The following SPTBN1 variants were observed in gnomAD, a reference collection of about 807,000 sequenced individuals.
SPTBN1 encodes spectrin beta, non-erythrocytic 1.
In SPTBN1, 32 loss-of-function variants were observed where a neutral mutation model predicts 266.4. The ratio of observed to expected loss-of-function variants is 0.12; its 90% confidence interval spans 0.09 to 0.16. The LOEUF (loss-of-function observed/expected upper bound fraction) is 0.16. Ranked by LOEUF, SPTBN1 falls within the 10% of genes least tolerant of loss-of-function variation. The probability of loss-of-function intolerance (pLI) is 1.00; values close to 1 mark genes in which losing one functional copy is unlikely to be tolerated. For synonymous variants in SPTBN1, 1,336 were observed against 1,162.2 expected (o/e 1.15, Z -3.04); for missense variants, 2,296 against 3,067.1 (o/e 0.75, Z 5.94).
chr2:54,491,771 T>C (rs2104019502), intron 1 of SPTBN1, among the ~76,000 whole-genome samples: 1 of 152,296 alleles, frequency 6.6e-6, no homozygotes, highest in Admixed American at 6.5e-5. Flanking sequence ...TTCTTTTCTT[T>C]TTATTTTTTG....
intron 1 of SPTBN1, among the ~76,000 whole-genome samples, chr2:54,466,069 C>T (rs1400971081): frequency 2.0e-5 from 3 of 152,162 alleles, no homozygotes; most frequent in Non-Finnish European, 4.4e-5. Context: ...AGTCATACGT[C>T]CATTCTTAAG....
intron 2 of SPTBN1, among the ~76,000 whole-genome samples, chr2:54,584,710 A>G (rs6740921): frequency 0.024 from 3,725 of 152,304 alleles, 148 homozygotes; most frequent in African/African-American, 0.082. Context: ...AGCCAAGGTC[A>G]TTATTAAACA....
At position 54,645,170 on chromosome 2, in the gene SPTBN1, A is replaced by T; in HGVS notation, c.4270-59A>T. On this transcript the variant is annotated intron_variant, in intron 20 of 35. Transcript: ENST00000356805. This position sits in a 1 kb window ranked among gnomAD's most constrained non-coding sequence, Gnocchi z 4.3. The stretch of plus-strand genomic sequence containing the variant: ...TCCCAGGCCCAGCAGTTCTGCTTAG[A>T]GCCAGTCACTGCAAAAGATAGTCTG... 6.3e-7 allele frequency: 1 copy of T among 1,581,372 alleles called. No homozygotes were observed. Among genetic ancestry groups the T allele is most frequent in the Non-Finnish European group, 8.7e-7 (1 of 1,152,714 alleles).
At chr2:54,548,262 G>A (rs1426823262) in intron 2 of SPTBN1, among the ~76,000 whole-genome samples, 1 of 152,180 alleles carries the variant, frequency 6.6e-6, no homozygotes, top group Non-Finnish European at 1.5e-5. Flanking sequence ...AAAGATCAAT[G>A]TATAAAACTG....
intron 1 of SPTBN1, among the ~76,000 whole-genome samples, chr2:54,487,023 T>TCATCTTA (rs1383619215): frequency 6.6e-6 from 1 of 152,180 alleles, no homozygotes; most frequent in African/African-American, 2.4e-5. Context: ...TATAATAATG[T>TCATCTTA]CATCTTATTT....
chr2:54,610,618 G>T (rs557132402), intron 3 of SPTBN1, among the ~76,000 whole-genome samples: 1 of 152,288 alleles, frequency 6.6e-6, no homozygotes, highest in African/African-American at 2.4e-5. Flanking sequence ...AAAGTGCAAG[G>T]TCTTTGCATC....
At chr2:54,496,912 A>G (rs1668998411) in intron 1 of SPTBN1, among the ~76,000 whole-genome samples, 3 of 152,256 alleles carry the variant, frequency 2.0e-5, no homozygotes, top group Non-Finnish European at 4.4e-5. Context: ...AGTATTGAGA[A>G]TAGTGAACAA....
At chr2:54,539,085 T>C (rs185808470) in intron 2 of SPTBN1, among the ~76,000 whole-genome samples, 1 of 152,326 alleles carries the variant, frequency 6.6e-6, no homozygotes, top group African/African-American at 2.4e-5. Flanking sequence ...CTGTGTCTTA[T>C]TAGTGTCATG....
In SPTBN1 at chr2:54,487,999, T is replaced by G. The variant is rs748478441; in HGVS notation, c.-48+31481T>G. On this transcript the variant is annotated intron_variant, in intron 1 of 35. Coordinates refer to ENST00000356805, the MANE Select transcript of SPTBN1 (RefSeq NM_003128.3). ...CGCCTGCCACCACACCCGGCTAATTTTTTGTATTTTTGGTAGAGACGGGGT... is the reference window on the plus strand; with the variant it reads ...CGCCTGCCACCACACCCGGCTAATTGTTTGTATTTTTGGTAGAGACGGGGT... 3.4e-4 allele frequency among the ~76,000 whole-genome samples: 51 copies of G among 151,800 alleles called. 1 individual carries two copies. In the Middle Eastern group the frequency reaches 0.01, roughly 31 times the overall value.
At chr2:54,477,851 C>G (rs1667915160) in intron 1 of SPTBN1, among the ~76,000 whole-genome samples, 1 of 151,754 alleles carries the variant, frequency 6.6e-6, no homozygotes, top group African/African-American at 2.4e-5. Context: ...GCGGAGGTTG[C>G]AGTGAGCCAA....
intron 2 of SPTBN1, chr2:54,557,627 A>G: frequency 1.3e-6 from 1 of 771,562 alleles, no homozygotes. Context: ...TCCCCTCCGG[A>G]TCATAAACAA....
intron 1 of SPTBN1, among the ~76,000 whole-genome samples, chr2:54,484,645 G>C (rs1668261924): frequency 6.6e-6 from 1 of 152,214 alleles, no homozygotes; most frequent in Non-Finnish European, 1.5e-5. Flanking sequence ...ATTCCTCTAT[G>C]CTTATGGATG....
Position 54,668,428 on chromosome 2 carries a change from G to T in SPTBN1, c.6954G>T (p.Gln2318His). ...AACACGAGGTGTCTGCCAGCACCCA[G>T]AGCACGCCAGCATCCAGCCGCGCGC... is the stretch of plus-strand genomic sequence containing the variant. Reference protein sequence around the residue: ...SDKHEVSASTQSTPASSRAQT... With the variant: ...SDKHEVSASTHSTPASSRAQT... The change falls in exon 36 of 36, where the codon CAG (glutamine) becomes CAT (histidine). Residue 2318 changes from glutamine to histidine, a missense_variant. Physicochemically the swap from Gln to His is conservative, Grantham distance 24. This residue lies in a region of SPTBN1 where 347 missense variants were observed against 368.5 expected (regional missense o/e 0.94). Transcript: ENST00000356805. 1 of 1,614,140 alleles carries T rather than the reference G, an allele frequency of 6.2e-7. No homozygotes were observed. The highest frequency in any genetic ancestry group is 8.5e-7 in the Non-Finnish European group (1 of 1,180,022).
intron 1 of SPTBN1, among the ~76,000 whole-genome samples, chr2:54,475,250 G>C (rs1283767352): frequency 2.0e-5 from 3 of 152,134 alleles, no homozygotes; most frequent in African/African-American, 7.2e-5. Context: ...CAAACGGTTA[G>C]TTTGTCAATT....
chr2:54,604,545 G>A (rs1453303094), intron 3 of SPTBN1, among the ~76,000 whole-genome samples: 1 of 152,162 alleles, frequency 6.6e-6, no homozygotes, highest in Non-Finnish European at 1.5e-5. Flanking sequence ...CTCTCTAAGG[G>A]TTTTTGGTCC....
Position 54,617,677 on chromosome 2 carries a change from A to G in SPTBN1, c.636A>G (p.Ile212Met). The G allele has an allele frequency of 6.2e-7, 1 of 1,614,120 alleles. No individual in the cohort carries two copies. Among genetic ancestry groups the G allele is most frequent in the Non-Finnish European group, 8.5e-7 (1 of 1,179,972 alleles). Residue 212 changes from isoleucine (I) to methionine (M), a missense_variant, in exon 6 of 36, where the codon ATA becomes ATG. By Grantham distance (10) the Ile-to-Met change is conservative. Coordinates refer to ENST00000356805, the MANE Select transcript of SPTBN1 (RefSeq NM_003128.3). ...ACGGCATGGCCTTCAATGCACTGAT[A>G]CACAAACACCGGTAAGTCCATACAA... ...WRDGMAFNAL[I>M]HKHRPDLIDF...
chr2:54,501,659 C>T (rs1413313238), intron 1 of SPTBN1, among the ~76,000 whole-genome samples: 1 of 152,216 alleles, frequency 6.6e-6, no homozygotes, highest in Non-Finnish European at 1.5e-5. Flanking sequence ...GGCTTTGTCT[C>T]GTTACTTGCT....
At position 54,467,250 on chromosome 2, in the gene SPTBN1, G is replaced by T. The variant is rs548374995; in HGVS notation, c.-48+10732G>T. 9.3e-5 allele frequency among the ~76,000 whole-genome samples: 14 copies of T among 151,058 alleles called. No individual in the cohort carries two copies. In the South Asian group the frequency reaches 1.5e-3, roughly 16 times the overall value. ...ATAGGGATAGGGGATTTTTTTGGGG[G>T]TGGGGGGGCTTTTTTCTCTTTATCT... On this transcript the variant is annotated intron_variant, in intron 1 of 35. Coordinates refer to ENST00000356805, the MANE Select transcript of SPTBN1 (RefSeq NM_003128.3).
At chr2:54,636,898 C>T (rs1298814996) in intron 17 of SPTBN1, among the ~76,000 whole-genome samples, 4 of 152,184 alleles carry the variant, frequency 2.6e-5, no homozygotes, top group Admixed American at 6.5e-5. Flanking sequence ...TGAAGCTCTC[C>T]GCTATTGTAG....
Sources: allele counts gnomAD v4.1 joint callset (sites outside exome capture counted in the v4.1 genomes callset), GRCh38; gene constraint gnomAD v4.1.1; regional missense constraint gnomAD v4.1.1; non-coding constraint Gnocchi (gnomAD v3.1); transcripts MANE v1.5; gene names NCBI Gene and HGNC (gene_info 2026-07-23, HGNC 2026-07-21).